The following PCOLCE2 variants were observed in gnomAD, a reference collection of about 807,000 sequenced individuals.
PCOLCE2 encodes the protein procollagen C-proteinase enhancer 2.
Under a neutral mutation model 47.0 loss-of-function variants are expected in PCOLCE2, and 42 were observed. The observed-to-expected ratio is 0.89, with a 90% CI of 0.70 to 1.16. The LOEUF (loss-of-function observed/expected upper bound fraction) is 1.16, where lower values mean the gene tolerates loss of function less well. PCOLCE2 is among the 50% of genes most tolerant of loss of function. The probability of loss-of-function intolerance (pLI) is 0.00; values close to 1 mark genes in which losing one functional copy is unlikely to be tolerated. For synonymous variants in PCOLCE2, 169 were observed against 191.7 expected (o/e 0.88, Z 0.98); for missense variants, 500 against 526.1 (o/e 0.95, Z 0.49).
intron 2 of PCOLCE2, among the ~76,000 whole-genome samples, chr3:142,866,960 T>C (rs7624656): frequency 0.19 from 29,597 of 152,156 alleles, 4,828 homozygotes; most frequent in African/African-American, 0.45. Context: ...CAGGTAACAT[T>C]GTGGCCAGAC....
At chr3:142,829,258 T>G (rs1206387935) in intron 6 of PCOLCE2, among the ~76,000 whole-genome samples, 1 of 151,214 alleles carries the variant, frequency 6.6e-6, no homozygotes, top group East Asian at 1.9e-4. Context: ...AAATAACATT[T>G]TATATGACAT....
rs202177059 is a variant in PCOLCE2, at chr3:142,848,333, C to T, written c.332G>A (p.Arg111Gln). ...GCCACTGGACACAAGGGCTCCAGGC[C>T]GGAAAGTGCCACAGAAGCGGCCAAT... ...QRIGRFCGTF[R>Q]PGALVSSGNK... The change falls in exon 3 of 9, where the codon CGG becomes CAG. Residue 111 changes from arginine (R) to glutamine (Q), a missense_variant. By Grantham distance (43) the Arg-to-Gln change is conservative. Coordinates refer to ENST00000295992, the MANE Select transcript of PCOLCE2 (RefSeq NM_013363.4). 8.5e-5 allele frequency: 138 copies of T among 1,614,176 alleles called. No individual in the cohort carries two copies. In the East Asian group the frequency reaches 1.5e-3, roughly 18 times the overall value.
intron 2 of PCOLCE2, among the ~76,000 whole-genome samples, chr3:142,877,681 G>T (rs1933527403): frequency 1.3e-5 from 2 of 152,118 alleles, no homozygotes; most frequent in African/African-American, 4.8e-5. Flanking sequence ...GCTGAACAGG[G>T]ATTTGAACTA....
chr3:142,855,281 G>A (rs72994549), intron 2 of PCOLCE2, among the ~76,000 whole-genome samples: 192 of 152,196 alleles, frequency 1.3e-3, no homozygotes, highest in African/African-American at 4.5e-3. Context: ...CCAATGCTTT[G>A]GCTACTATGA....
intron 2 of PCOLCE2, among the ~76,000 whole-genome samples, chr3:142,850,861 A>G (rs1348040269): frequency 6.6e-6 from 1 of 152,168 alleles, no homozygotes; most frequent in African/African-American, 2.4e-5. Context: ...GGTGTTTCCT[A>G]AGGCATGTTT....
intron 2 of PCOLCE2, among the ~76,000 whole-genome samples, chr3:142,856,212 C>T (rs1242588357): frequency 6.6e-6 from 1 of 152,088 alleles, no homozygotes; most frequent in Non-Finnish European, 1.5e-5. Context: ...TTCGAGTAGA[C>T]GTAGATGATT....
At chr3:142,841,402 A>C (rs1446590837) in intron 4 of PCOLCE2, among the ~76,000 whole-genome samples, 1 of 152,256 alleles carries the variant, frequency 6.6e-6, no homozygotes, top group East Asian at 1.9e-4. Context: ...AAAGGGAAGA[A>C]CAATGGAAAA....
intron 6 of PCOLCE2, chr3:142,827,322 A>C (rs878883984): frequency 7.2e-7 from 1 of 1,396,200 alleles, no homozygotes; most frequent in Non-Finnish European, 1.0e-6. Flanking sequence ...TAGGCTTGGC[A>C]AGCCTTCAAG....
At chr3:142,861,719 C>A (rs1933185747) in intron 2 of PCOLCE2, among the ~76,000 whole-genome samples, 1 of 152,184 alleles carries the variant, frequency 6.6e-6, no homozygotes, top group Admixed American at 6.5e-5. Flanking sequence ...ATGTAAGAGG[C>A]TTTCCTCAAA....
At chr3:142,835,534 T>C (rs962683061) in intron 5 of PCOLCE2, among the ~76,000 whole-genome samples, 3 of 152,206 alleles carry the variant, frequency 2.0e-5, no homozygotes, top group Non-Finnish European at 4.4e-5. Flanking sequence ...AGTATAACAC[T>C]TTTCTATTAA....
intron 8 of PCOLCE2, among the ~76,000 whole-genome samples, chr3:142,819,506 A>G (rs1227148261): frequency 6.6e-6 from 1 of 152,156 alleles, no homozygotes; most frequent in African/African-American, 2.4e-5. Flanking sequence ...GAGGTGCAGT[A>G]TCTGCTGCTC....
chr3:142,839,648 A>G (rs1385006534), intron 4 of PCOLCE2, among the ~76,000 whole-genome samples: 1 of 152,166 alleles, frequency 6.6e-6, no homozygotes, highest in Non-Finnish European at 1.5e-5. Flanking sequence ...CACATTCCAC[A>G]CACAAACAAA....
chr3:142,859,583 A>C (rs1933140196), intron 2 of PCOLCE2, among the ~76,000 whole-genome samples: 1 of 150,974 alleles, frequency 6.6e-6, no homozygotes, highest in Non-Finnish European at 1.5e-5. Flanking sequence ...TTTTGAGACG[A>C]AGTCTCTCTG....
chr3:142,822,552 T>A (rs1937027523), intron 7 of PCOLCE2, among the ~76,000 whole-genome samples: 1 of 152,170 alleles, frequency 6.6e-6, no homozygotes, highest in Non-Finnish European at 1.5e-5. Flanking sequence ...ACTCCAAAAT[T>A]CAGTCTATAG....
At chr3:142,827,416 G>T in intron 6 of PCOLCE2, 1 of 1,568,116 alleles carries the variant, frequency 6.4e-7, no homozygotes, top group Non-Finnish European at 8.8e-7. Context: ...TGGAGCCAGA[G>T]GGCAGCTTCA....
At chr3:142,847,134 T>G (rs1937336058) in intron 3 of PCOLCE2, among the ~76,000 whole-genome samples, 1 of 152,256 alleles carries the variant, frequency 6.6e-6, no homozygotes, top group Non-Finnish European at 1.5e-5. Context: ...ACTTAAAGTC[T>G]GTTTCCCTGG....
chr3:142,864,553 T>C (rs1227348700), intron 2 of PCOLCE2: 1 of 152,234 alleles, frequency 6.6e-6, no homozygotes, highest in Non-Finnish European at 1.5e-5. Context: ...TTTTAAAGTG[T>C]ACATTTCAAC....
intron 2 of PCOLCE2, among the ~76,000 whole-genome samples, chr3:142,866,558 T>C (rs1933286432): frequency 6.6e-6 from 1 of 152,162 alleles, no homozygotes; most frequent in Non-Finnish European, 1.5e-5. Context: ...ACTAATATAA[T>C]GGGTACAAGA....
At chr3:142,873,097 T>C (rs1933426145) in intron 2 of PCOLCE2, among the ~76,000 whole-genome samples, 2 of 152,090 alleles carry the variant, frequency 1.3e-5, no homozygotes, top group African/African-American at 4.8e-5. Context: ...ATGTTGACTC[T>C]AAAAGAAAAT....
Sources: allele counts gnomAD v4.1 joint callset (sites outside exome capture counted in the v4.1 genomes callset), GRCh38; gene constraint gnomAD v4.1.1; transcripts MANE v1.5; gene names NCBI Gene and HGNC (gene_info 2026-07-23, HGNC 2026-07-21).